The following ME2 variants were observed in gnomAD, a reference collection of about 807,000 sequenced individuals.
ME2 encodes the protein malic enzyme 2, also known as NAD-dependent malic enzyme, mitochondrial.
In ME2, 60 loss-of-function variants were observed where a neutral mutation model predicts 73.7. The observed-to-expected ratio is 0.81, with a 90% CI of 0.66 to 1.01. The LOEUF (loss-of-function observed/expected upper bound fraction) is 1.01. ME2 is among the 50% of genes least tolerant of loss of function. ME2 has a pLI of 0.00. For synonymous variants in ME2, 199 were observed against 236.9 expected, an observed-to-expected ratio of 0.84 and a Z score of 1.47; for missense variants, 594 against 705.5, an observed-to-expected ratio of 0.84 and a Z score of 1.79.
intron 15 of ME2, among the ~76,000 whole-genome samples, chr18:50,941,084 C>G (rs1355482084): frequency 6.6e-6 from 1 of 151,168 alleles, no homozygotes; most frequent in African/African-American, 2.4e-5. Flanking sequence ...ATGGTGAAAC[C>G]CCGTCTCTAC....
intron 1 of ME2, among the ~76,000 whole-genome samples, chr18:50,888,875 A>AT (rs1916542918): frequency 6.6e-6 from 1 of 152,050 alleles, no homozygotes; most frequent in Non-Finnish European, 1.5e-5. Context: ...CTTTAAAAAA[A>AT]ATTTTTTTTA....
intron 1 of ME2, among the ~76,000 whole-genome samples, chr18:50,880,560 G>A (rs1038236309): frequency 7.9e-5 from 12 of 152,180 alleles, no homozygotes; most frequent in Non-Finnish European, 1.3e-4. Context: ...GGCCGACGTG[G>A]GTGGATCACC....
At chr18:50,911,760 T>C (rs1427651358) in intron 3 of ME2, among the ~76,000 whole-genome samples, 2 of 152,202 alleles carry the variant, frequency 1.3e-5, no homozygotes, top group Admixed American at 6.5e-5. Context: ...AAGATGAGGC[T>C]GAAAAGTAGG....
At chr18:50,932,123 ATATAG>A in intron 12 of ME2, 130 bp from the exon 13 acceptor site, 1 of 607,534 alleles carries the variant, frequency 1.6e-6, no homozygotes, top group Non-Finnish European at 2.9e-6. Flanking sequence ...AAAGATTGTT[ATATAG>A]TATATTATGC....
In ME2 at chr18:50,942,259, G is replaced by A. The variant is rs149363182; in HGVS notation, c.1587+1873G>A. On this transcript the variant is annotated intron_variant, in intron 15 of 15. Coordinates refer to ENST00000321341, the MANE Select transcript of ME2 (RefSeq NM_002396.5). ...GCATTATTTATTGATTAATGCGTCC[G>A]TTGTTTACAGTTAATTGGGAATTGA... Among the ~76,000 whole-genome samples the A allele has an allele frequency of 4.2e-3, 646 of 152,190 alleles. 9 individuals are homozygous for A. The East Asian group carries it at 0.055, about 13-fold the overall frequency.
At chr18:50,938,010 G>A (rs1363186069) in intron 13 of ME2, among the ~76,000 whole-genome samples, 1 of 152,108 alleles carries the variant, frequency 6.6e-6, no homozygotes, top group African/African-American at 2.4e-5. Context: ...ACAGTGTTAT[G>A]AAATTGTAGA....
chr18:50,931,564 A>G (rs904200099), intron 12 of ME2, among the ~76,000 whole-genome samples: 31 of 152,206 alleles, frequency 2.0e-4, no homozygotes, highest in African/African-American at 7.5e-4. Context: ...TATATAGTAA[A>G]TGACAGCCAT....
chr18:50,895,831 G>T lies in ME2; in HGVS notation c.11G>T (p.Arg4Leu). 1 of 1,611,708 alleles carries T rather than the reference G, an allele frequency of 6.2e-7. No individual in the cohort carries two copies. The highest frequency in any genetic ancestry group is 1.3e-5 in the African/African-American group (1 of 74,926). Residue 4 changes from arginine (R) to leucine (L), a missense_variant, in exon 2 of 16, where the codon CGG becomes CTG. Physicochemically the swap from Arg to Leu is moderately radical, Grantham distance 102. Transcript: ENST00000321341. The stretch of plus-strand genomic sequence containing the variant: ...CAGGTGAAAGAAAAGATGTTGTCCC[G>T]GTTAAGAGTAGTTTCCACCACTTGT... Reference protein sequence around the residue: MLSRLRVVSTTCTL... With the variant: MLSLLRVVSTTCTL...
chr18:50,920,940 C>A, intron 9 of ME2, 134 bp from the exon 10 acceptor site: 2 of 688,646 alleles, frequency 2.9e-6, no homozygotes, highest in Non-Finnish European at 4.7e-6. Context: ...GAGAATATCA[C>A]GAAGAATTTT....
chr18:50,928,484 C>T (rs1157556392), intron 12 of ME2, among the ~76,000 whole-genome samples: 2 of 149,306 alleles, frequency 1.3e-5, no homozygotes, highest in South Asian at 2.2e-4. Flanking sequence ...GTGATCCGCC[C>T]GCCTCGGCCT....
chr18:50,937,552 G>T (rs890902579), intron 13 of ME2, among the ~76,000 whole-genome samples: 15 of 151,964 alleles, frequency 9.9e-5, no homozygotes, highest in Non-Finnish European at 1.5e-4. Flanking sequence ...TCATAAAAGA[G>T]ACCAAAGCAG....
intron 11 of ME2, 32 bp downstream of exon 11, chr18:50,924,244 C>A (rs767401871): frequency 1.4e-6 from 2 of 1,409,910 alleles, no homozygotes; most frequent in South Asian, 1.2e-5. Context: ...AATAATTTTA[C>A]TCCCTAACTG....
chr18:50,910,841 G>A (rs1190022745), intron 3 of ME2, among the ~76,000 whole-genome samples: 1 of 152,212 alleles, frequency 6.6e-6, no homozygotes, highest in Non-Finnish European at 1.5e-5. Flanking sequence ...TGCTCAGAGT[G>A]AGAGATTTGA....
At chr18:50,891,693 T>C (rs751258257) in intron 1 of ME2, among the ~76,000 whole-genome samples, 42 of 152,134 alleles carry the variant, frequency 2.8e-4, no homozygotes, top group Non-Finnish European at 5.1e-4. Context: ...CTTGTTGCCA[T>C]AGACAGTGAA....
intron 9 of ME2, 97 bp from the exon 10 acceptor site, chr18:50,920,977 C>A: frequency 1.4e-6 from 1 of 714,756 alleles, no homozygotes; most frequent in African/African-American, 1.9e-5. Context: ...GAAAAATAAA[C>A]CAAATATTTC....
At chr18:50,906,878 G>T (rs1178562454) in intron 2 of ME2, among the ~76,000 whole-genome samples, 1 of 152,154 alleles carries the variant, frequency 6.6e-6, no homozygotes, top group Admixed American at 6.5e-5. Context: ...GATCTTTTCA[G>T]GTCTTTCCTG....
Position 50,908,295 on chromosome 18 carries a change from TAA to T in ME2, c.242+100_242+101del, listed in dbSNP as rs200273166. 8.9e-4 allele frequency: 754 copies of T among 849,448 alleles called. 5 individuals carry two copies. In the African/African-American group the frequency reaches 0.011, roughly 13 times the overall value. 52.6% of individuals were successfully genotyped at this position (849,448 alleles called of 1,614,324 possible). ...GGCATGAGAAATACACAATCTTATA[TAA>T]GTTTGTGTTTTGTCAGTTAACTACT... On this transcript the variant is annotated intron_variant, in intron 3 of 15. Coordinates refer to ENST00000321341, the MANE Select transcript of ME2 (RefSeq NM_002396.5).
Position 50,949,247 on chromosome 18 carries a change from G to A in ME2, c.*2063G>A, listed in dbSNP as rs1918165766. On this transcript the variant is annotated 3_prime_UTR_variant, in exon 16 of 16. Coordinates refer to ENST00000321341, the MANE Select transcript of ME2 (RefSeq NM_002396.5). ...GTTGGTTAATTCATTGAACAGATTA[G>A]TAAAGTCAGAAGTCTTTTTCATAAC... 1 of 152,262 alleles carries A rather than the reference G, an allele frequency of 6.6e-6. No individual in the cohort carries two copies. The highest frequency in any genetic ancestry group is 6.5e-5 in the Admixed American group (1 of 15,290). 9.4% of individuals were successfully genotyped at this position (152,262 alleles called of 1,614,324 possible).
chr18:50,921,725 G>A (rs1046966298), intron 10 of ME2, among the ~76,000 whole-genome samples: 17 of 152,184 alleles, frequency 1.1e-4, no homozygotes, highest in Admixed American at 5.9e-4. Context: ...CTGGCCGTGA[G>A]CAGAAATTCT....
Sources: allele counts gnomAD v4.1 joint callset (sites outside exome capture counted in the v4.1 genomes callset), GRCh38; gene constraint gnomAD v4.1.1; transcripts MANE v1.5; gene names NCBI Gene and HGNC (gene_info 2026-07-23, HGNC 2026-07-21).